The following KCNK10 variants were observed in gnomAD, a reference collection of about 807,000 sequenced individuals.
The protein encoded by KCNK10 is potassium two pore domain channel subfamily K member 10, also known as potassium channel subfamily K member 10.
Under a neutral mutation model 47.7 loss-of-function variants are expected in KCNK10, and 25 were observed. The ratio of observed to expected loss-of-function variants is 0.52; its 90% CI spans 0.38 to 0.73. The LOEUF (loss-of-function observed/expected upper bound fraction) is 0.73. Ranked by LOEUF, KCNK10 falls within the 30% of genes least tolerant of loss-of-function variation. KCNK10 has a pLI of 0.00. For synonymous variants in KCNK10, 303 were observed against 285.6 expected (o/e 1.06, Z -0.61); for missense variants, 563 against 714.5 (o/e 0.79, Z 2.42).
intron 3 of KCNK10, among the ~76,000 whole-genome samples, chr14:88,236,218 G>GGGT (rs1886296574): frequency 6.6e-6 from 1 of 151,998 alleles, no homozygotes; most frequent in Non-Finnish European, 1.5e-5. Context: ...TCAGGAGGCT[G>GGGT]AAGCCAAAAG....
At chr14:88,287,096 C>T (rs371358248) in intron 1 of KCNK10, among the ~76,000 whole-genome samples, 53 of 152,144 alleles carry the variant, frequency 3.5e-4, no homozygotes, top group African/African-American at 1.2e-3. Flanking sequence ...GATAAGCAAG[C>T]AAAGCATAGA....
chr14:88,197,281 A>G (rs1362075721), intron 4 of KCNK10, among the ~76,000 whole-genome samples: 3 of 151,572 alleles, frequency 2.0e-5, no homozygotes, highest in Admixed American at 2.0e-4. Flanking sequence ...ATGGAAAAAA[A>G]TAAAATTCAC....
At position 88,263,490 on chromosome 14, in the gene KCNK10, C is replaced by T. The variant is rs147245460; in HGVS notation, c.114G>A (p.Pro38=). 15 of 1,613,584 alleles carry T rather than the reference C, an allele frequency of 9.3e-6. No individual in the cohort carries two copies. The highest frequency in any genetic ancestry group is 4.0e-5 in the African/African-American group (3 of 74,938). The change falls in exon 2 of 7, where the codon CCG becomes CCA. Residue 38 remains proline, a synonymous_variant. Coordinates refer to ENST00000319231, the MANE Select transcript of KCNK10 (RefSeq NM_138317.3). ...GCGGAGTTGGAGTCGGAGCCGGAGC[C>T]GGGGGTTGCCCGTTAGTGGCGCTCT... is the stretch of plus-strand genomic sequence containing the variant. The part of the protein sequence containing the change: ...QPKSATNGQP[P]APAPTPTPRL...
At chr14:88,252,921 G>A (rs1246717308) in intron 2 of KCNK10, among the ~76,000 whole-genome samples, 8 of 152,118 alleles carry the variant, frequency 5.3e-5, no homozygotes, top group African/African-American at 7.2e-5. Flanking sequence ...TTTTCCCTTC[G>A]TCAGGAGGAA....
chr14:88,250,306 C>T (rs1595104941), intron 2 of KCNK10, among the ~76,000 whole-genome samples: 1 of 152,172 alleles, frequency 6.6e-6, no homozygotes, highest in Non-Finnish European at 1.5e-5. Context: ...AGGCTGGGGG[C>T]TGCAGGCCTG....
intron 4 of KCNK10, among the ~76,000 whole-genome samples, chr14:88,202,763 C>T (rs750894844): frequency 5.0e-5 from 7 of 140,048 alleles, no homozygotes; most frequent in Admixed American, 8.0e-5. Flanking sequence ...GTGGGAGGGA[C>T]GAGATCTTCC....
chr14:88,320,764 C>T (rs1888530224), intron 1 of KCNK10, among the ~76,000 whole-genome samples: 1 of 152,208 alleles, frequency 6.6e-6, no homozygotes, highest in South Asian at 2.1e-4. Flanking sequence ...TCCCCTACAT[C>T]CACAAGAGCC....
chr14:88,231,193 C>A (rs143862855), intron 3 of KCNK10, among the ~76,000 whole-genome samples: 107 of 152,154 alleles, frequency 7.0e-4, no homozygotes, highest in African/African-American at 2.6e-3. Context: ...GGCGCGAGGA[C>A]CATTTGAGCT....
At position 88,309,261 on chromosome 14, in the gene KCNK10, T is replaced by C. The variant is rs111314071; in HGVS notation, c.52+13486A>G. 2.5e-3 allele frequency among the ~76,000 whole-genome samples: 379 copies of C among 152,332 alleles called. 1 individual carries two copies. Among genetic ancestry groups the C allele is most frequent in the African/African-American group, 8.8e-3 (366 of 41,578 alleles). The stretch of plus-strand genomic sequence containing the variant: ...ATATGCTCCAGACTCTAGTAGAGCC[T>C]ACTGCTCTTTCTCGATTCTTTTTCC... On this transcript the variant is annotated intron_variant, in intron 1 of 6. Coordinates refer to ENST00000319231, the MANE Select transcript of KCNK10 (RefSeq NM_138317.3).
At position 88,192,368 on chromosome 14, in the gene KCNK10, T is replaced by C; in HGVS notation, c.724A>G (p.Ile242Val). ...ATGCAGCCGGCCAAGATGAACAGGA[T>C]GGTTGAGATGACCCGGATCTTGGTC... ...SQTKIRVIST[I>V]LFILAGCIVF... Residue 242 changes from isoleucine to valine, a missense_variant, in exon 5 of 7, where the codon ATC (isoleucine) becomes GTC (valine). Physicochemically the swap from Ile to Val is conservative, Grantham distance 29. Coordinates refer to ENST00000319231, the MANE Select transcript of KCNK10 (RefSeq NM_138317.3). 6.2e-7 allele frequency: 1 copy of C among 1,614,112 alleles called. No individual in the cohort carries two copies. The highest frequency in any genetic ancestry group is 2.2e-5 in the East Asian group (1 of 44,870).
intron 4 of KCNK10, among the ~76,000 whole-genome samples, chr14:88,194,890 G>A (rs2139830699): frequency 6.6e-6 from 1 of 152,210 alleles, no homozygotes; most frequent in East Asian, 1.9e-4. Flanking sequence ...TGCGCGTCTT[G>A]CATGTGTATG....
intron 1 of KCNK10, among the ~76,000 whole-genome samples, chr14:88,273,305 T>C (rs1164816195): frequency 2.6e-5 from 4 of 152,136 alleles, no homozygotes; most frequent in Non-Finnish European, 5.9e-5. Flanking sequence ...CCAGTCTCTG[T>C]CTCCAGCACC....
At chr14:88,291,459 C>T (rs1348213548) in intron 1 of KCNK10, among the ~76,000 whole-genome samples, 1 of 152,178 alleles carries the variant, frequency 6.6e-6, no homozygotes, top group Non-Finnish European at 1.5e-5. Context: ...GGAGAAAAAG[C>T]ATTTCTTAGC....
intron 2 of KCNK10, among the ~76,000 whole-genome samples, 156 bp downstream of exon 2, chr14:88,263,046 T>C (rs1417897718): frequency 6.6e-6 from 1 of 152,086 alleles, no homozygotes; most frequent in South Asian, 2.1e-4. Flanking sequence ...CTATCGCTTC[T>C]TGGAGGTCTC....
chr14:88,252,777 C>T (rs1886836635), intron 2 of KCNK10, among the ~76,000 whole-genome samples: 1 of 152,296 alleles, frequency 6.6e-6, no homozygotes. Context: ...TCTGGCACCC[C>T]AGCCTTGTCA....
Position 88,322,673 on chromosome 14 carries a change from C to T in KCNK10, c.52+74G>A, listed in dbSNP as rs1888571414. 6.3e-6 allele frequency: 10 copies of T among 1,589,000 alleles called. 1 individual carries two copies. Among genetic ancestry groups the T allele is most frequent in the South Asian group, 2.2e-5 (2 of 90,474 alleles). On this transcript the variant is annotated intron_variant, in intron 1 of 6. Coordinates refer to ENST00000319231, the MANE Select transcript of KCNK10 (RefSeq NM_138317.3). This position sits in a 1 kb window ranked among gnomAD's most constrained non-coding sequence, Gnocchi z 4.8. ...ACACACGCTGCCAGAAGCAAGAGTG[C>T]TTCCACTCAAGGAAGCGCGCACACG... is the stretch of plus-strand genomic sequence containing the variant.
At chr14:88,223,140 G>A (rs1481648866) in intron 4 of KCNK10, among the ~76,000 whole-genome samples, 1 of 152,074 alleles carries the variant, frequency 6.6e-6, no homozygotes, top group Non-Finnish European at 1.5e-5. Context: ...CTACAACCTT[G>A]CACAAAACCC....
At chr14:88,326,581 A>G, upstream of KCNK10, 1 of 732,884 alleles carries the variant, frequency 1.4e-6, no homozygotes, top group Non-Finnish European at 2.3e-6. Context: ...GCAGGAAAAC[A>G]AAACATCGTG....
chr14:88,215,951 C>T (rs1485418986), intron 4 of KCNK10, among the ~76,000 whole-genome samples: 2 of 152,024 alleles, frequency 1.3e-5, no homozygotes, highest in African/African-American at 4.8e-5. Flanking sequence ...CAGGAAACAC[C>T]AAAGGGATAC....
Sources: allele counts gnomAD v4.1 joint callset (sites outside exome capture counted in the v4.1 genomes callset), GRCh38; gene constraint gnomAD v4.1.1; non-coding constraint Gnocchi (gnomAD v3.1); transcripts MANE v1.5; gene names NCBI Gene and HGNC (gene_info 2026-07-23, HGNC 2026-07-21).